PDE6B: variants seen among roughly 807,000 people sequenced by gnomAD.
PDE6B encodes phosphodiesterase 6B.
A neutral mutation model predicts 109.0 loss-of-function variants in PDE6B; 106 were observed. The ratio of observed to expected loss-of-function variants is 0.97; its 90% confidence interval spans 0.83 to 1.14. PDE6B has a LOEUF of 1.14. PDE6B is among the 50% of genes most tolerant of loss of function. The probability of loss-of-function intolerance (pLI) is 0.00; values close to 1 mark genes in which losing one functional copy is unlikely to be tolerated. For synonymous variants in PDE6B, 490 were observed against 471.3 expected (o/e 1.04, Z -0.51); for missense variants, 1,193 against 1,155.6 (o/e 1.03, Z -0.47).
At chr4:635,444 T>C (rs113985708) in intron 2 of PDE6B, among the ~76,000 whole-genome samples, 1 of 101,304 alleles carries the variant, frequency 9.9e-6, no homozygotes, top group Non-Finnish European at 2.0e-5. Context: ...CCTGCCTGCC[T>C]GCCTGCCTGC....
In PDE6B at chr4:662,231, C is replaced by T. The variant is rs761619791; in HGVS notation, c.1712C>T (p.Thr571Met). ...HGFNVAQTMF[T>M]LLMTGKLKSY... is the part of the protein sequence containing the mutation. ...TTCAACGTGGCCCAGACGATGTTCA[C>T]GCTGCTCATGGTACGTGGCTGCCAG... The change falls in exon 13 of 22, where the codon ACG becomes ATG. Residue 571 changes from threonine to methionine, a missense_variant. Thr to Met is a moderately conservative substitution (Grantham distance 81, BLOSUM62 -1). Transcript: ENST00000496514. This position sits in a 1 kb window ranked among gnomAD's most constrained non-coding sequence, Gnocchi z 4.3. 12 of 1,550,100 alleles carry T rather than the reference C, an allele frequency of 7.7e-6. No individual in the cohort carries two copies. The highest frequency in any genetic ancestry group is 2.4e-5 in the East Asian group (1 of 42,306).
chr4:663,775 GAACATCTACCAGAACCTGAACC>G lies in PDE6B; in HGVS notation c.1927_1948del (p.Asn643GlyfsTer7), dbSNP rs1325957874. ...GCTGGGCATAACCTCCGCAGACCCT[GAACATCTACCAGAACCTGAACC>G]GGCGGCAGCACGAGCACGTGATCCA... On this transcript the variant is annotated frameshift_variant, in exon 16 of 22. Coordinates refer to ENST00000496514, the MANE Select transcript of PDE6B (RefSeq NM_000283.4). LOFTEE classifies it high-confidence loss of function. This position sits in a 1 kb window ranked among gnomAD's most constrained non-coding sequence, Gnocchi z 4.0. 6.9e-5 allele frequency: 111 copies of G among 1,611,678 alleles called. No homozygotes were observed. The highest frequency in any genetic ancestry group is 6.8e-5 in the Non-Finnish European group (80 of 1,178,954).
chr4:641,201 G>C (rs1448855134), intron 3 of PDE6B, among the ~76,000 whole-genome samples: 1 of 152,124 alleles, frequency 6.6e-6, no homozygotes, highest in East Asian at 1.9e-4. Flanking sequence ...TTAGATCTTT[G>C]ATTCCTTTTA....
In PDE6B at chr4:669,491, GCTACCCCATGCTATTCCCA is replaced by G. The variant is rs1738234105; in HGVS notation, c.2504-536_2504-518del. On this transcript the variant is annotated intron_variant, in intron 21 of 21. Transcript: ENST00000496514. ...ATTCCCACTACGCCATGCTATTCCC[GCTACCCCATGCTATTCCCA>G]CTACCCCATGCTATTCCCGCTACCC... is the stretch of plus-strand genomic sequence containing the variant. 7.3e-4 allele frequency among the ~76,000 whole-genome samples: 63 copies of G among 86,382 alleles called. 1 individual carries two copies. The highest frequency in any genetic ancestry group is 8.3e-4 in the Non-Finnish European group (39 of 46,836). The allele number at this position is 86,382 out of a possible 152,430, so 56.7% of individuals were successfully genotyped here.
At chr4:668,344 G>C (rs559583988) in intron 21 of PDE6B, among the ~76,000 whole-genome samples, 2 of 151,864 alleles carry the variant, frequency 1.3e-5, no homozygotes, top group South Asian at 2.1e-4. Context: ...AGGCATCGTG[G>C]TCTTGCCATT....
intron 3 of PDE6B, among the ~76,000 whole-genome samples, chr4:642,625 C>G (rs1415345369): frequency 6.7e-6 from 1 of 149,962 alleles, no homozygotes; most frequent in East Asian, 2.0e-4. Flanking sequence ...GAAACACCAT[C>G]TCTACAAAAA....
intron 3 of PDE6B, among the ~76,000 whole-genome samples, chr4:650,944 C>T (rs551835085): frequency 2.6e-4 from 40 of 152,332 alleles, no homozygotes; most frequent in Admixed American, 7.2e-4. Flanking sequence ...ACAAGGAGGA[C>T]GGCAGAAGCC....
intron 6 of PDE6B, 120 bp from the exon 7 acceptor site, chr4:655,820 C>T (rs1736158670): frequency 2.6e-6 from 2 of 759,796 alleles, no homozygotes; most frequent in Non-Finnish European, 4.8e-6. Context: ...CCCCTGCACA[C>T]ACACGTGCAG....
Position 654,857 on chromosome 4 carries a change from C to T in PDE6B, c.961C>T (p.Leu321Phe). The T allele has an allele frequency of 6.4e-7, 1 of 1,573,536 alleles. No homozygotes were observed. Among genetic ancestry groups the T allele is most frequent in the Middle Eastern group, 1.7e-4 (1 of 5,996 alleles). Residue 321 changes from leucine to phenylalanine, a missense_variant, in exon 6 of 22, where the codon CTC becomes TTC. Coordinates refer to ENST00000496514, the MANE Select transcript of PDE6B (RefSeq NM_000283.4). ...IVFYKVIDYVLHGKEEIKVIP... is the reference protein window; with the variant it reads ...IVFYKVIDYVFHGKEEIKVIP... ...CTTCTACAAAGTGATCGACTACGTC[C>T]TCCACGGCAAGGAGGAGATCAAGGT...
intron 12 of PDE6B, among the ~76,000 whole-genome samples, chr4:660,977 T>G (rs1334053109): frequency 7.4e-6 from 1 of 135,334 alleles, no homozygotes; most frequent in African/African-American, 2.9e-5. Context: ...AGTTGGATAG[T>G]TGGATAAATG....
rs1036959061 is a variant in PDE6B, at chr4:665,681, TG to T, written c.2268+358del. Among the ~76,000 whole-genome samples the T allele has an allele frequency of 1.8e-4, 28 of 151,936 alleles. No homozygotes were observed. Among genetic ancestry groups the T allele is most frequent in the African/African-American group, 6.8e-4 (28 of 41,442 alleles). On this transcript the variant is annotated intron_variant, in intron 19 of 21. Coordinates refer to ENST00000496514, the MANE Select transcript of PDE6B (RefSeq NM_000283.4). This position sits in a 1 kb window ranked among gnomAD's most constrained non-coding sequence, Gnocchi z 4.0. ...GGAGGGTGCTGGGGCAGAGAACGCA[TG>T]GGGGGCGTCCCGGGCCCACACAGTG... is the stretch of plus-strand genomic sequence containing the variant.
At chr4:627,445 C>A (rs1560099769) in intron 1 of PDE6B, among the ~76,000 whole-genome samples, 1 of 152,096 alleles carries the variant, frequency 6.6e-6, no homozygotes, top group African/African-American at 2.4e-5. Context: ...CGCACCAGGC[C>A]GGAAGTGGCA....
In PDE6B at chr4:662,381, C is replaced by T. The variant is rs950265694; in HGVS notation, c.1723-128C>T. On this transcript the variant is annotated intron_variant, in intron 13 of 21. Coordinates refer to ENST00000496514, the MANE Select transcript of PDE6B (RefSeq NM_000283.4). This position sits in a 1 kb window ranked among gnomAD's most constrained non-coding sequence, Gnocchi z 4.3. ...GGCAACGCCCTCTGACACCGTGCAC[C>T]GCGCACCCCAGCCCTGCGGTGGTCG... 8.5e-6 allele frequency: 7 copies of T among 822,484 alleles called. No individual in the cohort carries two copies. Among genetic ancestry groups the T allele is most frequent in the African/African-American group, 1.7e-5 (1 of 59,386 alleles). 50.9% of individuals were successfully genotyped at this position (822,484 alleles called of 1,614,324 possible). A position where few individuals can be genotyped will look rare whatever the true frequency, so the allele number is the denominator to read the frequency against.
Position 665,465 on chromosome 4 carries a change from G to T in PDE6B, c.2268+136G>T. ...GTGGGGTCCTTATCTCACTTTGTGG[G>T]ATCATGTGACATGCGTGTGGGTGGC... On this transcript the variant is annotated intron_variant, in intron 19 of 21. Coordinates refer to ENST00000496514, the MANE Select transcript of PDE6B (RefSeq NM_000283.4). This position sits in a 1 kb window ranked among gnomAD's most constrained non-coding sequence, Gnocchi z 4.0. The T allele has an allele frequency of 1.4e-6, 1 of 714,028 alleles. No homozygotes were observed. Among genetic ancestry groups the T allele is most frequent in the South Asian group, 1.5e-5 (1 of 66,958 alleles). 44.2% of individuals were successfully genotyped at this position (714,028 alleles called of 1,614,324 possible).
In PDE6B at chr4:663,292, G is replaced by C. The variant is rs1226333255; in HGVS notation, c.1920+105G>C. The C allele has an allele frequency of 3.9e-6, 3 of 761,560 alleles. No homozygotes were observed. Among genetic ancestry groups the C allele is most frequent in the Admixed American group, 1.9e-5 (1 of 52,298 alleles). The allele number at this position is 761,560 out of a possible 1,614,324, so 47.2% of individuals were successfully genotyped here. On this transcript the variant is annotated intron_variant, in intron 15 of 21. Transcript: ENST00000496514. This position sits in a 1 kb window ranked among gnomAD's most constrained non-coding sequence, Gnocchi z 4.0. ...AGCAGGGTTCTGATGCAGCGGGTGA[G>C]CACTGGGTGTGTGAGCACTGGGGGA...
chr4:655,098 G>C (rs1736061065), intron 6 of PDE6B: 1 of 604,558 alleles, frequency 1.7e-6, no homozygotes, highest in African/African-American at 1.8e-5. Flanking sequence ...GGGAGATGGT[G>C]AGGAGGACGT....
rs193184898 is a variant in PDE6B at position 660,296 on chromosome 4, G to C, written c.1468-171G>C. ...AGAGGGGAGAGTGAGGCTGAGCCAG[G>C]GGGGCGTGTGAGCAGCCTGGGATAC... On this transcript the variant is annotated intron_variant, in intron 11 of 21. Coordinates refer to ENST00000496514, the MANE Select transcript of PDE6B (RefSeq NM_000283.4). Among the ~76,000 whole-genome samples, 1,447 of 152,342 alleles carry C rather than the reference G, an allele frequency of 9.5e-3. 9 individuals carry two copies. The highest frequency in any genetic ancestry group is 0.016 in the Non-Finnish European group (1,112 of 68,028).
Position 667,866 on chromosome 4 carries a change from G to C in PDE6B, c.2363G>C (p.Arg788Pro), listed in dbSNP as rs777999727. Reference protein sequence around the residue: ...VCTFVYKEFSRFHEEILPMFD... With the variant: ...VCTFVYKEFSPFHEEILPMFD... The stretch of plus-strand genomic sequence containing the variant: ...CTCGACTCCCCTCAGGAGTTCTCTC[G>C]TTTCCACGAAGAGATCCTGCCCATG... The change falls in exon 21 of 22, where the codon CGT becomes CCT. Residue 788 changes from arginine to proline, a missense_variant. Physicochemically the swap from Arg to Pro is moderately radical, Grantham distance 103. Transcript: ENST00000496514. 1 of 1,613,036 alleles carries C rather than the reference G, an allele frequency of 6.2e-7. No homozygotes were observed. Among genetic ancestry groups the C allele is most frequent in the African/African-American group, 1.3e-5 (1 of 74,896 alleles).
In PDE6B at chr4:636,530, G is replaced by A. The variant is rs1284558109; in HGVS notation, c.711+561G>A. Among the ~76,000 whole-genome samples the A allele has an allele frequency of 6.6e-6, 1 of 152,162 alleles. No homozygotes were observed. The highest frequency in any genetic ancestry group is 2.4e-5 in the African/African-American group (1 of 41,444). The stretch of plus-strand genomic sequence containing the variant: ...TCCAGGGCAGGTGGTCCTCCCGTCT[G>A]AGACCCTGGCTCAGGGGAGACCTGG... On this transcript the variant is annotated intron_variant, in intron 3 of 21. Coordinates refer to ENST00000496514, the MANE Select transcript of PDE6B (RefSeq NM_000283.4). The surrounding 1 kb of genome is among the most constrained non-coding windows in gnomAD (Gnocchi z 4.5).
Sources: allele counts gnomAD v4.1 joint callset (sites outside exome capture counted in the v4.1 genomes callset), GRCh38; gene constraint gnomAD v4.1.1; non-coding constraint Gnocchi (gnomAD v3.1); transcripts MANE v1.5; gene names NCBI Gene and HGNC (gene_info 2026-07-23, HGNC 2026-07-21).